The following BRD10 variants were observed in gnomAD, a reference collection of about 807,000 sequenced individuals.
The protein encoded by BRD10 is uncharacterized bromodomain-containing protein 10.
the BRD10 span, among the ~76,000 whole-genome samples, chr9:5,960,201 A>G: frequency 6.6e-5 from 10 of 152,196 alleles, no homozygotes; most frequent in Non-Finnish European, 1.5e-5. Flanking sequence ...CTATAAGAGA[A>G]TAAGACCACT....
chr9:5,997,013 C>T, the BRD10 span, among the ~76,000 whole-genome samples: 1 of 152,184 alleles, frequency 6.6e-6, no homozygotes, highest in Non-Finnish European at 1.5e-5. Flanking sequence ...CTATTTATCT[C>T]CTAAGCATTG....
the BRD10 span, among the ~76,000 whole-genome samples, chr9:6,000,118 T>C: frequency 6.6e-6 from 1 of 152,222 alleles, no homozygotes; most frequent in Non-Finnish European, 1.5e-5. Flanking sequence ...AGGATCTTTC[T>C]AGTTAACAAT....
the BRD10 span, among the ~76,000 whole-genome samples, chr9:5,954,302 G>T: frequency 6.6e-4 from 100 of 152,244 alleles, 1 homozygote; most frequent in African/African-American, 2.3e-3. Flanking sequence ...AACAAATGCT[G>T]TTTTATGTTT....
chr9:5,919,467 G>C, the BRD10 span: 1 of 476,408 alleles, frequency 2.1e-6, no homozygotes, highest in African/African-American at 2.0e-5. Flanking sequence ...CCTCAGAACA[G>C]TAAGTGAAAT....
chr9:5,954,807 T>C, the BRD10 span, among the ~76,000 whole-genome samples: 1 of 152,176 alleles, frequency 6.6e-6, no homozygotes, highest in East Asian at 1.9e-4. Flanking sequence ...ATTCTATTTT[T>C]AGACCAGGCG....
the BRD10 span, among the ~76,000 whole-genome samples, chr9:5,998,937 T>C: frequency 6.6e-6 from 1 of 152,042 alleles, no homozygotes. Context: ...CTATCATATT[T>C]AATAGTTTTT....
At chr9:5,983,632 C>T in the BRD10 span, among the ~76,000 whole-genome samples, 6 of 152,062 alleles carry the variant, frequency 3.9e-5, no homozygotes, top group Non-Finnish European at 8.8e-5. Context: ...CTGGATTAGA[C>T]ACTGCAGAAG....
chr9:5,953,777 T>C, the BRD10 span, among the ~76,000 whole-genome samples: 1 of 151,816 alleles, frequency 6.6e-6, no homozygotes, highest in Non-Finnish European at 1.5e-5. Flanking sequence ...CTAGTAGAGA[T>C]TAAGATATAA....
the BRD10 span, chr9:5,944,845 G>C: frequency 2.5e-6 from 3 of 1,185,852 alleles, no homozygotes; most frequent in South Asian, 1.5e-5. Context: ...GACAATAATA[G>C]ATAGAACTTT....
the BRD10 span, among the ~76,000 whole-genome samples, chr9:5,953,454 T>G: frequency 6.6e-6 from 1 of 152,128 alleles, no homozygotes; most frequent in Non-Finnish European, 1.5e-5. Flanking sequence ...AATTACTTTT[T>G]CTTTCCACAG....
the BRD10 span, among the ~76,000 whole-genome samples, chr9:5,993,055 C>T: frequency 6.6e-6 from 1 of 152,098 alleles, no homozygotes; most frequent in South Asian, 2.1e-4. Flanking sequence ...GTGGCTCATG[C>T]CTGTAATCCC....
chr9:5,906,488 T>A, the BRD10 span, among the ~76,000 whole-genome samples: 2 of 152,378 alleles, frequency 1.3e-5, no homozygotes, highest in Admixed American at 1.3e-4. Flanking sequence ...GCAAGGCAGG[T>A]CTACTGGCAA....
chr9:5,883,459 C>CT, the BRD10 span, among the ~76,000 whole-genome samples: 1 of 95,110 alleles, frequency 1.1e-5, no homozygotes, highest in Admixed American at 1.2e-4. Flanking sequence ...ATTCCTTCTT[C>CT]TTCTTTTTTT....
At chr9:5,968,411 G>A in the BRD10 span, 1 of 1,612,342 alleles carries the variant, frequency 6.2e-7, no homozygotes, top group Non-Finnish European at 8.5e-7. Context: ...TATTTCACCT[G>A]GACTAAGAGG....
the BRD10 span, among the ~76,000 whole-genome samples, chr9:5,885,561 C>G: frequency 6.6e-6 from 1 of 151,948 alleles, no homozygotes; most frequent in Non-Finnish European, 1.5e-5. Flanking sequence ...TTAGTAGAGA[C>G]GGGTTTTCTC....
chr9:5,912,690 A>G, the BRD10 span, among the ~76,000 whole-genome samples: 1 of 152,172 alleles, frequency 6.6e-6, no homozygotes, highest in African/African-American at 2.4e-5. Flanking sequence ...ACCTGAACTC[A>G]GGAAAATGAG....
the BRD10 span, chr9:5,918,871 A>G: frequency 2.6e-5 from 4 of 151,440 alleles, no homozygotes; most frequent in African/African-American, 9.7e-5. Context: ...TGAAAGTAGT[A>G]TTTGTAAGCT....
the BRD10 span, chr9:6,007,803 G>A: frequency 1.3e-6 from 2 of 1,484,234 alleles, no homozygotes; most frequent in South Asian, 1.3e-5. Flanking sequence ...GGCAGGCCTA[G>A]GCTGGGCGGT....
chr9:5,923,088 G>C, the BRD10 span: 4 of 1,613,788 alleles, frequency 2.5e-6, no homozygotes. Flanking sequence ...CAGTCAATCT[G>C]CACATCACTT....
Sources: gnomAD v4.1 joint callset for allele counts (sites outside exome capture counted in the v4.1 genomes callset) on GRCh38, gnomAD v4.1.1 for gene constraint, MANE v1.5 for transcripts, NCBI Gene and HGNC (gene_info 2026-07-23, HGNC 2026-07-21) for gene names.